FZD3: variants seen among roughly 807,000 people sequenced by gnomAD.
FZD3 encodes frizzled-3.
Under a neutral mutation model 60.7 loss-of-function variants are expected in FZD3, and 30 were observed. The ratio of observed to expected loss-of-function variants is 0.49; its 90% CI spans 0.37 to 0.67. FZD3 has a LOEUF of 0.67. Among genes scored for constraint, FZD3 ranks in the 30% least tolerant of loss-of-function variants. FZD3 has a pLI of 0.00. For synonymous variants in FZD3, 246 were observed against 275.2 expected, an observed-to-expected ratio of 0.89 and a Z score of 1.05; for missense variants, 605 against 838.7, an observed-to-expected ratio of 0.72 and a Z score of 3.44.
intron 3 of FZD3, among the ~76,000 whole-genome samples, chr8:28,511,450 A>G (rs1272160047): frequency 6.6e-6 from 1 of 152,110 alleles, no homozygotes; most frequent in Non-Finnish European, 1.5e-5. Context: ...GCGCCTCTGT[A>G]CTCCATCCAG....
intron 5 of FZD3, among the ~76,000 whole-genome samples, chr8:28,543,534 C>T (rs1805222658): frequency 1.3e-5 from 2 of 152,146 alleles, no homozygotes; most frequent in Non-Finnish European, 2.9e-5. Flanking sequence ...GCACCTGCCA[C>T]CACGCCTGGC....
At chr8:28,534,759 T>C (rs1232947856) in intron 5 of FZD3, among the ~76,000 whole-genome samples, 1 of 152,220 alleles carries the variant, frequency 6.6e-6, no homozygotes, top group Non-Finnish European at 1.5e-5. Context: ...AATATTTGTT[T>C]TTGTTCAGAA....
At position 28,502,766 on chromosome 8, in the gene FZD3, C is replaced by T. The variant is rs1206232972; in HGVS notation, c.-248C>T. 6 of 282,606 alleles carry T rather than the reference C, an allele frequency of 2.1e-5. No homozygotes were observed. Among genetic ancestry groups the T allele is most frequent in the Non-Finnish European group, 3.3e-5 (5 of 152,552 alleles). The allele number at this position is 282,606 out of a possible 1,614,324, so 17.5% of individuals were successfully genotyped here. Reference sequence around the variant, plus strand: ...ACTTGATATGTTGGCCAAATGTGCCCCATGTAATAAAATGAAAAGAAGAGA... The same window carrying T: ...ACTTGATATGTTGGCCAAATGTGCCTCATGTAATAAAATGAAAAGAAGAGA... On this transcript the variant is annotated 5_prime_UTR_variant, in exon 3 of 8. Transcript: ENST00000240093.
intron 7 of FZD3, among the ~76,000 whole-genome samples, chr8:28,559,079 T>C (rs919218165): frequency 6.6e-6 from 1 of 152,136 alleles, no homozygotes; most frequent in African/African-American, 2.4e-5. Flanking sequence ...AGGAGATACG[T>C]AGGGTGAATG....
At chr8:28,505,448 C>T (rs1804112057) in intron 3 of FZD3, among the ~76,000 whole-genome samples, 1 of 152,100 alleles carries the variant, frequency 6.6e-6, no homozygotes. Flanking sequence ...ACCTCCCAGG[C>T]TCAGGTGATC....
chr8:28,556,703 G>A (rs1473664167), intron 7 of FZD3, among the ~76,000 whole-genome samples: 6 of 150,844 alleles, frequency 4.0e-5, no homozygotes, highest in Non-Finnish European at 1.5e-5. Flanking sequence ...AGCAGTCATA[G>A]ACAATATGTA....
At position 28,551,697 on chromosome 8, in the gene FZD3, G is replaced by A; in HGVS notation, c.1499G>A (p.Ser500Asn). The change falls in exon 6 of 8, where the codon AGC becomes AAC. Residue 500 changes from serine (S) to asparagine (N), a missense_variant. Physicochemically the swap from Ser to Asn is conservative, Grantham distance 46. Transcript: ENST00000240093. ...VGIPSVFWVG[S>N]KKTCFEWASF... ...ATTCCCTCTGTATTTTGGGTTGGAA[G>A]CAAAAAGACATGCTTTGAATGGGCC... 1.2e-6 allele frequency: 2 copies of A among 1,611,754 alleles called. No homozygotes were observed. Among genetic ancestry groups the A allele is most frequent in the African/African-American group, 1.3e-5 (1 of 74,816 alleles).
At chr8:28,497,332 A>G (rs1362890662) in intron 1 of FZD3, among the ~76,000 whole-genome samples, 1 of 152,194 alleles carries the variant, frequency 6.6e-6, no homozygotes, top group Non-Finnish European at 1.5e-5. Flanking sequence ...AAGCTATATA[A>G]ACTTTCTTGT....
At chr8:28,528,794 TAAA>T (rs1804787296) in intron 5 of FZD3, among the ~76,000 whole-genome samples, 2 of 152,182 alleles carry the variant, frequency 1.3e-5, no homozygotes, top group Non-Finnish European at 2.9e-5. Context: ...TCTTGAGTAG[TAAA>T]TGAACAGCTG....
chr8:28,509,563 T>C (rs1804230566), intron 3 of FZD3, among the ~76,000 whole-genome samples: 1 of 152,164 alleles, frequency 6.6e-6, no homozygotes, highest in South Asian at 2.1e-4. Flanking sequence ...GAATTGAAAA[T>C]CTACACTCAT....
chr8:28,510,908 G>T (rs989890775), intron 3 of FZD3, among the ~76,000 whole-genome samples: 12 of 151,280 alleles, frequency 7.9e-5, no homozygotes, highest in Middle Eastern at 3.5e-3. Context: ...GTGGTGGTGG[G>T]CACATGTAAT....
chr8:28,501,672 G>T (rs556842677), intron 2 of FZD3, among the ~76,000 whole-genome samples: 1 of 152,258 alleles, frequency 6.6e-6, no homozygotes, highest in African/African-American at 2.4e-5. Flanking sequence ...CACCCTCTCA[G>T]CTGAAATTGA....
intron 4 of FZD3, among the ~76,000 whole-genome samples, chr8:28,524,175 A>G (rs2567563): frequency 0.018 from 2,715 of 152,260 alleles, 97 homozygotes; most frequent in African/African-American, 0.061. Flanking sequence ...GGACACCCCC[A>G]GAATTTTTAT....
chr8:28,559,286 A>C (rs1258300135), intron 7 of FZD3, among the ~76,000 whole-genome samples: 1 of 152,214 alleles, frequency 6.6e-6, no homozygotes, highest in Non-Finnish European at 1.5e-5. Flanking sequence ...GGCCAAAAAC[A>C]AGACCTTGGG....
At chr8:28,511,138 G>C (rs1486419979) in intron 3 of FZD3, among the ~76,000 whole-genome samples, 1 of 151,966 alleles carries the variant, frequency 6.6e-6, no homozygotes, top group Non-Finnish European at 1.5e-5. Flanking sequence ...GATCACTTGA[G>C]GTCAGGAGTT....
At position 28,570,033 on chromosome 8, in the gene FZD3, C is replaced by A. The variant is rs1805776370; in HGVS notation, c.*7022C>A. The A allele has an allele frequency of 6.6e-6, 1 of 152,134 alleles. No individual in the cohort carries two copies. The highest frequency in any genetic ancestry group is 1.5e-5 in the Non-Finnish European group (1 of 68,024). 9.4% of individuals were successfully genotyped at this position (152,134 alleles called of 1,614,324 possible). On this transcript the variant is annotated 3_prime_UTR_variant, in exon 8 of 8. Transcript: ENST00000240093. ...TTGTTCAGTAATTATTCTTAAACTG[C>A]ATTCTTAGGTTTATTACATAAATAT...
chr8:28,537,152 C>CT (rs1805037433), intron 5 of FZD3, among the ~76,000 whole-genome samples: 2 of 152,222 alleles, frequency 1.3e-5, no homozygotes, highest in African/African-American at 4.8e-5. Context: ...TTCTATATCT[C>CT]TTGTTTTGCC....
At chr8:28,515,092 G>A (rs1046190993) in intron 3 of FZD3, among the ~76,000 whole-genome samples, 2 of 152,112 alleles carry the variant, frequency 1.3e-5, no homozygotes, top group Admixed American at 1.3e-4. Flanking sequence ...CACATGTATT[G>A]TAAAATGAGT....
At position 28,563,212 on chromosome 8, in the gene FZD3, A is replaced by G. The variant is rs1020988591; in HGVS notation, c.*201A>G. ...AGGCATCCAAAACACTAAGAATTCT[A>G]TCATCACAAAAATAATTCGTCTTTC... On this transcript the variant is annotated 3_prime_UTR_variant, in exon 8 of 8. Coordinates refer to ENST00000240093, the MANE Select transcript of FZD3 (RefSeq NM_017412.4). 92 of 545,252 alleles carry G rather than the reference A, an allele frequency of 1.7e-4. 1 individual carries two copies. The highest frequency in any genetic ancestry group is 1.1e-4 in the African/African-American group (6 of 52,824). The allele number at this position is 545,252 out of a possible 1,614,324, so 33.8% of individuals were successfully genotyped here.
Sources: allele counts gnomAD v4.1 joint callset (sites outside exome capture counted in the v4.1 genomes callset), GRCh38; gene constraint gnomAD v4.1.1; transcripts MANE v1.5; gene names NCBI Gene and HGNC (gene_info 2026-07-23, HGNC 2026-07-21).